CCNT1: variants seen among roughly 807,000 people sequenced by gnomAD.
CCNT1 encodes cyclin-T1.
A neutral mutation model predicts 67.3 loss-of-function variants in CCNT1; 18 were observed. The observed-to-expected ratio is 0.27, with a 90% CI of 0.18 to 0.40. The LOEUF (loss-of-function observed/expected upper bound fraction) is 0.40, where lower values mean the gene tolerates loss of function less well. Among genes scored for constraint, CCNT1 ranks in the 10% least tolerant of loss-of-function variants. The probability of loss-of-function intolerance (pLI) is 1.00; values close to 1 mark genes in which losing one functional copy is unlikely to be tolerated. For missense variants in CCNT1, 744 were observed against 884.9 expected, an observed-to-expected ratio of 0.84 and a Z score of 2.02; for synonymous variants, 333 against 310.3, an observed-to-expected ratio of 1.07 and a Z score of -0.77.
At chr12:48,713,207 T>C (rs1425082374) in intron 2 of CCNT1, among the ~76,000 whole-genome samples, 1 of 151,252 alleles carries the variant, frequency 6.6e-6, no homozygotes, top group East Asian at 1.9e-4. Context: ...TACCTTTTTT[T>C]TTTTTTTTGT....
chr12:48,713,187 A>G (rs1940482485), intron 2 of CCNT1, among the ~76,000 whole-genome samples: 2 of 143,030 alleles, frequency 1.4e-5, no homozygotes, highest in African/African-American at 5.1e-5. Context: ...GTTCTTTGTA[A>G]AATTTTTTTT....
chr12:48,704,588 A>G (rs1940325711), intron 3 of CCNT1, among the ~76,000 whole-genome samples: 1 of 152,218 alleles, frequency 6.6e-6, no homozygotes, highest in Non-Finnish European at 1.5e-5. Context: ...AGGCGGGCAG[A>G]TCACAAGGTC....
rs1166714908 is a variant in CCNT1 at position 48,689,158 on chromosome 12, C to T, written c.*3875G>A. 1 of 152,112 alleles carries T rather than the reference C, an allele frequency of 6.6e-6. No homozygotes were observed. Among genetic ancestry groups the T allele is most frequent in the Non-Finnish European group, 1.5e-5 (1 of 68,010 alleles). The allele number at this position is 152,112 out of a possible 1,614,324, so 9.4% of individuals were successfully genotyped here. A position where few individuals can be genotyped will look rare whatever the true frequency, so the allele number is the denominator to read the frequency against. ...GAGTCCTTCTCTTTTTTTCATTAGC[C>T]ATGAATAAACACTCACAAAGGGGAA... On this transcript the variant is annotated 3_prime_UTR_variant, in exon 9 of 9. Transcript: ENST00000261900.
intron 2 of CCNT1, among the ~76,000 whole-genome samples, chr12:48,707,445 G>T (rs1413940096): frequency 6.6e-6 from 1 of 151,786 alleles, no homozygotes; most frequent in East Asian, 1.9e-4. Flanking sequence ...ACCACACCCA[G>T]TTAATTTATT....
rs547231157 is a variant in CCNT1, at chr12:48,714,494, T to C, written c.192A>G (p.Val64=). 1.9e-6 allele frequency: 3 copies of C among 1,610,922 alleles called. No homozygotes were observed. The highest frequency in any genetic ancestry group is 4.5e-5 in the East Asian group (2 of 44,820). Residue 64 remains valine (V), a synonymous_variant, in exon 2 of 9, where the codon GTA becomes GTG. Coordinates refer to ENST00000261900, the MANE Select transcript of CCNT1 (RefSeq NM_001240.4). Reference sequence around the variant, plus strand: ...GAATCATGTAGAATCGATGCATGTATACTATAGCAGTGTTGATAGTCAATT... The same window carrying C: ...GAATCATGTAGAATCGATGCATGTACACTATAGCAGTGTTGATAGTCAATT... The part of the protein sequence containing the change: ...VSQLTINTAI[V]YMHRFYMIQS...
intron 2 of CCNT1, among the ~76,000 whole-genome samples, chr12:48,712,438 G>C (rs1940466477): frequency 6.6e-6 from 1 of 151,270 alleles, no homozygotes; most frequent in African/African-American, 2.4e-5. Flanking sequence ...TCCACGCCTG[G>C]CTAATTTTTG....
intron 3 of CCNT1, among the ~76,000 whole-genome samples, chr12:48,705,311 T>G (rs1337227422): frequency 3.3e-5 from 5 of 152,068 alleles, no homozygotes; most frequent in African/African-American, 1.2e-4. Context: ...TGTTTTTCTT[T>G]TTTTGTAGAA....
At chr12:48,695,296 C>T (rs951312130) in intron 8 of CCNT1, among the ~76,000 whole-genome samples, 3 of 152,156 alleles carry the variant, frequency 2.0e-5, no homozygotes, top group Non-Finnish European at 2.9e-5. Flanking sequence ...TTCCATTATT[C>T]CTGAATAAGG....
At position 48,694,380 on chromosome 12, in the gene CCNT1, A is replaced by G; in HGVS notation, c.834T>C (p.Thr278=). 10 of 1,614,226 alleles carry G rather than the reference A, an allele frequency of 6.2e-6. No homozygotes were observed. Among genetic ancestry groups the G allele is most frequent in the Non-Finnish European group, 8.5e-6 (10 of 1,180,044 alleles). The change falls in exon 9 of 9, where the codon ACT becomes ACC. Residue 278 remains threonine, a synonymous_variant. Coordinates refer to ENST00000261900, the MANE Select transcript of CCNT1 (RefSeq NM_001240.4). ...TCATATTGAGGATTGTCTGCTCTGA[A>G]GTCTTTTCATCTGTTCCTCGGTCAT... The part of the protein sequence containing the change: ...KADDRGTDEK[T]SEQTILNMIS...
intron 2 of CCNT1, among the ~76,000 whole-genome samples, chr12:48,709,034 A>T (rs1565620691): frequency 6.6e-6 from 1 of 152,166 alleles, no homozygotes; most frequent in Non-Finnish European, 1.5e-5. Context: ...CTATGATTGT[A>T]CCACTGCACT....
chr12:48,710,452 A>C (rs1395067438), intron 2 of CCNT1, among the ~76,000 whole-genome samples: 1 of 152,154 alleles, frequency 6.6e-6, no homozygotes, highest in Non-Finnish European at 1.5e-5. Context: ...CAAATTAATC[A>C]GTGGATTTTG....
rs139416737 is a variant in CCNT1, at chr12:48,707,406, C to T, written c.244-1510G>A. ...CAGGAGATATTCCCATCTCAGCCTTCGAAGTAGCTGGGATCACAGGCACAC... is the reference window on the plus strand; with the variant it reads ...CAGGAGATATTCCCATCTCAGCCTTTGAAGTAGCTGGGATCACAGGCACAC... On this transcript the variant is annotated intron_variant, in intron 2 of 8. Transcript: ENST00000261900. Among the ~76,000 whole-genome samples, 336 of 151,352 alleles carry T rather than the reference C, an allele frequency of 2.2e-3. 1 individual carries two copies. The highest frequency in any genetic ancestry group is 7.6e-3 in the African/African-American group (315 of 41,226).
rs1402848713 is a variant in CCNT1, at chr12:48,689,264, A to G, written c.*3769T>C. 6.6e-6 allele frequency: 1 copy of G among 152,210 alleles called. No homozygotes were observed. The highest frequency in any genetic ancestry group is 1.5e-5 in the Non-Finnish European group (1 of 68,038). 9.4% of individuals were successfully genotyped at this position (152,210 alleles called of 1,614,324 possible). Reference sequence around the variant, plus strand: ...CAAGTTCATATGAAAAACTTTAGAAACATTAAAATGGAGAACTCTCTCACC... The same window carrying G: ...CAAGTTCATATGAAAAACTTTAGAAGCATTAAAATGGAGAACTCTCTCACC... On this transcript the variant is annotated 3_prime_UTR_variant, in exon 9 of 9. Coordinates refer to ENST00000261900, the MANE Select transcript of CCNT1 (RefSeq NM_001240.4).
Position 48,693,209 on chromosome 12 carries a change from T to C in CCNT1, c.2005A>G (p.Ser669Gly). ...DTVNMLHSLL[S>G]AQGVQPTQPT... ...TGAGTGGGCTGAACACCCTGGGCAC[T>C]GAGCAGGGAGTGAAGCATATTCACA... The change falls in exon 9 of 9, where the codon AGT becomes GGT. Residue 669 changes from serine (S) to glycine (G), a missense_variant. This residue lies in a region of CCNT1 where 564 missense variants were observed against 574.2 expected (regional missense o/e 0.98). Coordinates refer to ENST00000261900, the MANE Select transcript of CCNT1 (RefSeq NM_001240.4). The C allele has an allele frequency of 1.2e-6, 2 of 1,614,204 alleles. No individual in the cohort carries two copies. The highest frequency in any genetic ancestry group is 1.7e-6 in the Non-Finnish European group (2 of 1,180,038).
chr12:48,708,457 G>C (rs1940398923), intron 2 of CCNT1, among the ~76,000 whole-genome samples: 1 of 151,830 alleles, frequency 6.6e-6, no homozygotes, highest in African/African-American at 2.4e-5. Flanking sequence ...TGAGGCAGGA[G>C]AATCGCTTGA....
chr12:48,713,550 G>A (rs1298058928), intron 2 of CCNT1, among the ~76,000 whole-genome samples: 1 of 152,202 alleles, frequency 6.6e-6, no homozygotes, highest in African/African-American at 2.4e-5. Context: ...TTAGAAGGCG[G>A]AGGCGGAAGG....
rs1380508979 is a variant in CCNT1 at position 48,692,567 on chromosome 12, A to T, written c.*466T>A. ...ATCCCTATCCCCTTCCCAATTATAT[A>T]AAAAAACTAAACAGATAACTTACTT... On this transcript the variant is annotated 3_prime_UTR_variant, in exon 9 of 9. Coordinates refer to ENST00000261900, the MANE Select transcript of CCNT1 (RefSeq NM_001240.4). 3 of 155,718 alleles carry T rather than the reference A, an allele frequency of 1.9e-5. No homozygotes were observed. Among genetic ancestry groups the T allele is most frequent in the Non-Finnish European group, 4.3e-5 (3 of 70,308 alleles). 9.6% of individuals were successfully genotyped at this position (155,718 alleles called of 1,614,324 possible).
At chr12:48,696,362 TAAC>T (rs1940168955) in intron 6 of CCNT1, among the ~76,000 whole-genome samples, 200 bp from the exon 7 acceptor site, 1 of 145,586 alleles carries the variant, frequency 6.9e-6, no homozygotes, top group Non-Finnish European at 1.5e-5. Flanking sequence ...CCTGTTCAGG[TAAC>T]AACATTTTAA....
intron 1 of CCNT1, among the ~76,000 whole-genome samples, chr12:48,716,263 A>C (rs2137249011): frequency 6.6e-6 from 1 of 152,368 alleles, no homozygotes; most frequent in Non-Finnish European, 1.5e-5. Flanking sequence ...GGCTGGTTAA[A>C]ACACAAAGCC....
Sources: allele counts gnomAD v4.1 joint callset (sites outside exome capture counted in the v4.1 genomes callset), GRCh38; gene constraint gnomAD v4.1.1; regional missense constraint gnomAD v4.1.1; transcripts MANE v1.5; gene names NCBI Gene and HGNC (gene_info 2026-07-23, HGNC 2026-07-21).